Variants in SAMMSON observed in about 807,000 individuals in gnomAD.
SAMMSON encodes long intergenic non-protein coding RNA 1212.
chr3:70,045,146 TATA>T (rs1364543951), intron 3 of SAMMSON, among the ~76,000 whole-genome samples: 28 of 131,624 alleles, frequency 2.1e-4, no homozygotes, highest in Non-Finnish European at 3.9e-4. Context: ...ATAATTTATA[TATA>T]TTAATTATAA....
At chr3:70,160,927 CT>C (rs2067612213) in intron 4 of SAMMSON, among the ~76,000 whole-genome samples, 1 of 151,838 alleles carries the variant, frequency 6.6e-6, no homozygotes, top group African/African-American at 2.4e-5. Context: ...ATATCTTATT[CT>C]TTTTGATGCT....
chr3:70,365,973 T>A (rs1559573603), intron 9 of SAMMSON, among the ~76,000 whole-genome samples: 40 of 33,470 alleles, frequency 1.2e-3, no homozygotes, highest in South Asian at 2.9e-3. Flanking sequence ...ACCTTTTCTT[T>A]TTTTTTTTTT....
chr3:70,014,455 G>C (rs1292561204), intron 3 of SAMMSON: 1 of 152,204 alleles, frequency 6.6e-6, no homozygotes, highest in Non-Finnish European at 1.5e-5. Context: ...GATTCCTCAA[G>C]ACATACGTTT....
At chr3:70,012,945 G>A (rs1295651076) in intron 2 of SAMMSON, among the ~76,000 whole-genome samples, 1 of 152,110 alleles carries the variant, frequency 6.6e-6, no homozygotes, top group Non-Finnish European at 1.5e-5. Context: ...AAAAGGCTGA[G>A]TAAAGAAGAT....
chr3:70,211,074 T>C (rs927171227), intron 4 of SAMMSON, among the ~76,000 whole-genome samples: 4 of 152,126 alleles, frequency 2.6e-5, no homozygotes, highest in Non-Finnish European at 5.9e-5. Flanking sequence ...CCATGTTTTC[T>C]CTCATTTGAC....
intron 4 of SAMMSON, among the ~76,000 whole-genome samples, chr3:70,211,691 T>A (rs1387254993): frequency 2.0e-5 from 3 of 146,420 alleles, no homozygotes; most frequent in Non-Finnish European, 4.5e-5. Context: ...TCCTTTCCCT[T>A]CCCTTCCCTT....
chr3:70,214,369 A>G lies in SAMMSON; in HGVS notation n.508-34738A>G, dbSNP rs572751951. The stretch of plus-strand genomic sequence containing the variant: ...TCAAGAAACGTTAGATGAAATGTTT[A>G]TCAAGGGCTACGACAAGAGGACATT... On this transcript the variant is annotated intron_variant and non_coding_transcript_variant, in intron 4 of 9. Coordinates refer to ENST00000642114, the Ensembl canonical transcript of SAMMSON. Among the ~76,000 whole-genome samples, 3 of 152,260 alleles carry G rather than the reference A, an allele frequency of 2.0e-5. No homozygotes were observed. In the East Asian group the frequency reaches 5.8e-4, roughly 29 times the overall value.
At chr3:70,040,611 T>C (rs562157031) in intron 3 of SAMMSON, among the ~76,000 whole-genome samples, 61 of 152,248 alleles carry the variant, frequency 4.0e-4, no homozygotes, top group African/African-American at 1.4e-3. Context: ...TGCTGCAGGC[T>C]TCCACCACCC....
intron 6 of SAMMSON, among the ~76,000 whole-genome samples, chr3:70,289,554 C>T (rs1490071825): frequency 5.4e-5 from 8 of 148,054 alleles, no homozygotes; most frequent in African/African-American, 2.0e-4. Context: ...TTGCTCTTCT[C>T]GAGGAGTATC....
chr3:70,143,298 TAAA>T (rs34950693), intron 4 of SAMMSON, among the ~76,000 whole-genome samples: 3 of 141,950 alleles, frequency 2.1e-5, no homozygotes, highest in Admixed American at 1.4e-4. Context: ...TGAATTTTAG[TAAA>T]AAAAAAAAAA....
chr3:70,406,554 A>G (rs2216368), intron 2 of SAMMSON, among the ~76,000 whole-genome samples: 34,616 of 152,160 alleles, frequency 0.23, 4,169 homozygotes, highest in South Asian at 0.3. Context: ...TATAGCATAT[A>G]TAGAAATAAA....
chr3:70,143,551 T>C (rs886905743), intron 4 of SAMMSON, among the ~76,000 whole-genome samples: 12 of 152,154 alleles, frequency 7.9e-5, no homozygotes, highest in Non-Finnish European at 1.5e-4. Flanking sequence ...AGGTTCACCT[T>C]TGTGGGTCAA....
intron 4 of SAMMSON, among the ~76,000 whole-genome samples, chr3:70,118,225 T>C (rs1163895339): frequency 6.6e-6 from 1 of 152,176 alleles, no homozygotes; most frequent in Non-Finnish European, 1.5e-5. Flanking sequence ...CCTGGCCAGA[T>C]AATCTTTTTC....
chr3:70,346,110 A>C (rs1472196351), intron 7 of SAMMSON, among the ~76,000 whole-genome samples: 1 of 152,104 alleles, frequency 6.6e-6, no homozygotes, highest in Admixed American at 6.5e-5. Flanking sequence ...ACTGAAGAAA[A>C]ATTCCTTTTG....
chr3:70,068,542 A>G (rs548123968), intron 3 of SAMMSON: 1 of 152,252 alleles, frequency 6.6e-6, no homozygotes, highest in African/African-American at 2.4e-5. Context: ...TTAACTACCA[A>G]AATTGTACAT....
intron 9 of SAMMSON, among the ~76,000 whole-genome samples, chr3:70,373,617 T>G (rs187084550): frequency 1.9e-3 from 288 of 152,322 alleles, no homozygotes; most frequent in African/African-American, 5.7e-3. Context: ...TTTCTCATTA[T>G]GGTCCAGTAC....
chr3:70,159,312 C>T, intron 4 of SAMMSON, among the ~76,000 whole-genome samples: 1 of 151,968 alleles, frequency 6.6e-6, no homozygotes, highest in East Asian at 2.0e-4. Context: ...TCTCCTAATG[C>T]TATCCCTCCC....
intron 6 of SAMMSON, among the ~76,000 whole-genome samples, chr3:70,269,118 A>G (rs1701951356): frequency 6.6e-6 from 1 of 152,224 alleles, no homozygotes; most frequent in Non-Finnish European, 1.5e-5. Flanking sequence ...GTGGAATAAT[A>G]ATATTTACAA....
intron 4 of SAMMSON, chr3:70,126,172 C>A: frequency 1.7e-6 from 2 of 1,194,692 alleles, no homozygotes; most frequent in South Asian, 2.6e-5. Flanking sequence ...AAAAGTCAGC[C>A]CATGGTTTGG....
Sources: gnomAD v4.1 joint callset for allele counts (sites outside exome capture counted in the v4.1 genomes callset) on GRCh38, gnomAD v4.1.1 for gene constraint, MANE v1.5 for transcripts, NCBI Gene and HGNC (gene_info 2026-07-23, HGNC 2026-07-21) for gene names.